Variants in ARHGAP6 observed in about 807,000 individuals in gnomAD.
The protein encoded by ARHGAP6 is rho GTPase-activating protein 6.
In ARHGAP6, 16 loss-of-function variants were observed where a neutral mutation model predicts 55.7. That is an observed-to-expected ratio of 0.29 (90% CI 0.19 to 0.44). The LOEUF (loss-of-function observed/expected upper bound fraction) is 0.44. Ranked by LOEUF, ARHGAP6 falls within the 20% of genes least tolerant of loss-of-function variation. ARHGAP6 has a pLI of 1.00. For missense variants in ARHGAP6, 698 were observed against 808.9 expected (o/e 0.86, Z 1.66); for synonymous variants, 382 against 360.9 (o/e 1.06, Z -0.66).
rs764328470 is a variant in ARHGAP6 at position 11,285,180 on chromosome X, T to C, written c.589-30473A>G. On this transcript the variant is annotated intron_variant, in intron 1 of 12. Transcript: ENST00000337414. ...ACACAGATTGTTTTTTTTTTTTTTTTCCAAACATTTTGCTCTTACTCAATT... is the reference window on the plus strand; with the variant it reads ...ACACAGATTGTTTTTTTTTTTTTTTCCCAAACATTTTGCTCTTACTCAATT... Among the ~76,000 whole-genome samples the C allele has an allele frequency of 1.2e-4, 13 of 108,042 alleles. No homozygotes were observed. The South Asian group carries it at 3.7e-3, about 31-fold the overall frequency. 93.8% of individuals were successfully genotyped at this position (108,042 alleles called of 115,157 possible).
At chrX:11,224,663 G>A (rs993364794) in intron 2 of ARHGAP6, among the ~76,000 whole-genome samples, 1 of 99,651 alleles carries the variant, frequency 1.0e-5, no homozygotes, top group Non-Finnish European at 2.0e-5. Context: ...TGTTGGTGGA[G>A]GGGGGGCGGT....
chrX:11,396,829 T>C (rs1443850174), intron 1 of ARHGAP6, among the ~76,000 whole-genome samples: 1 of 111,975 alleles, frequency 8.9e-6, no homozygotes, highest in Non-Finnish European at 1.9e-5. Context: ...GTGTCTTTTT[T>C]GCCTTTATAA....
intron 1 of ARHGAP6, among the ~76,000 whole-genome samples, chrX:11,468,712 T>C (rs2050320046): frequency 1.8e-5 from 2 of 112,111 alleles, no homozygotes; most frequent in Admixed American, 1.9e-4. Context: ...TTTGAGAAAA[T>C]TTCTTCCAAC....
At chrX:11,281,485 T>TA (rs950954959) in intron 1 of ARHGAP6, among the ~76,000 whole-genome samples, 4 of 110,497 alleles carry the variant, frequency 3.6e-5, no homozygotes, top group African/African-American at 1.3e-4. Context: ...TAAAGAAACA[T>TA]AAAAAACCTA....
chrX:11,232,104 C>T (rs925305868), intron 2 of ARHGAP6, among the ~76,000 whole-genome samples: 2 of 111,970 alleles, frequency 1.8e-5, no homozygotes, highest in Admixed American at 9.5e-5. Flanking sequence ...TTGAGAACAT[C>T]GCAAATGTCT....
At chrX:11,482,755 A>ACAGACTTC (rs35075718) in intron 1 of ARHGAP6, among the ~76,000 whole-genome samples, 5,349 of 111,054 alleles carry the variant, frequency 0.048, 335 homozygotes, top group African/African-American at 0.17. Context: ...AGAACTACCC[A>ACAGACTTC]CAGACTTCCA....
At chrX:11,177,379 G>GC (rs1491490526) in intron 8 of ARHGAP6, among the ~76,000 whole-genome samples, 3 of 93,470 alleles carry the variant, frequency 3.2e-5, no homozygotes, top group East Asian at 8.9e-4. Context: ...GCGGGGGGGG[G>GC]GCACACTGGG....
At chrX:11,530,876 A>G (rs919586012) in intron 1 of ARHGAP6, among the ~76,000 whole-genome samples, 2 of 111,828 alleles carry the variant, frequency 1.8e-5, no homozygotes, top group African/African-American at 6.5e-5. Context: ...CAGGGTTGTC[A>G]GTAGAGGGTG....
chrX:11,440,963 T>C (rs2050033580), intron 1 of ARHGAP6, among the ~76,000 whole-genome samples: 1 of 111,890 alleles, frequency 8.9e-6, no homozygotes, highest in Admixed American at 9.5e-5. Flanking sequence ...ATGCTGCAGA[T>C]GGCTCACCAT....
rs1467645743 is a variant in ARHGAP6, at chrX:11,526,468, T to C, written c.588+137773A>G. ...GGACACCAGAAGCACCTGCTGTGGC[T>C]GAGAATTAAATCACTGACCCTCCCC... On this transcript the variant is annotated intron_variant, in intron 1 of 12. Transcript: ENST00000337414. Among the ~76,000 whole-genome samples, 4 of 111,064 alleles carry C rather than the reference T, an allele frequency of 3.6e-5. No individual in the cohort carries two copies. The South Asian group carries it at 1.1e-3, about 31-fold the overall frequency.
chrX:11,183,942 T>C (rs1448708393), intron 5 of ARHGAP6, among the ~76,000 whole-genome samples: 1 of 112,097 alleles, frequency 8.9e-6, no homozygotes, highest in Non-Finnish European at 1.9e-5. Context: ...AATTCTTTCA[T>C]TGGTGGCTCA....
chrX:11,521,973 G>A (rs1476477462), intron 1 of ARHGAP6, among the ~76,000 whole-genome samples: 1 of 111,413 alleles, frequency 9.0e-6, no homozygotes, highest in Non-Finnish European at 1.9e-5. Flanking sequence ...TGTTATTGGT[G>A]TATAAGAATG....
Position 11,142,258 on chromosome X carries a change from G to A in ARHGAP6, c.2232C>T (p.Ser744=), listed in dbSNP as rs759367604. Residue 744 remains serine, a synonymous_variant, in exon 12 of 13, where the codon AGC becomes AGT. Coordinates refer to ENST00000337414, the MANE Select transcript of ARHGAP6 (RefSeq NM_013427.3). ...CTGTCATTCCTGGGTCTTTGGATCCGCTTTTTAATGTTGAATGCCAAGTTC... is the reference window on the plus strand; with the variant it reads ...CTGTCATTCCTGGGTCTTTGGATCCACTTTTTAATGTTGAATGCCAAGTTC... The part of the protein sequence containing the change: ...IWGTWHSTLK[S]GSKDPGMTGS... 2.4e-5 allele frequency: 29 copies of A among 1,196,247 alleles called. No individual in the cohort carries two copies. Among genetic ancestry groups the A allele is most frequent in the East Asian group, 2.1e-4 (7 of 33,402 alleles).
intron 1 of ARHGAP6, among the ~76,000 whole-genome samples, chrX:11,280,008 G>A (rs1476945027): frequency 9.0e-6 from 1 of 111,157 alleles, no homozygotes; most frequent in Non-Finnish European, 1.9e-5. Flanking sequence ...GACATTTTTG[G>A]TTGTCACAAC....
At chrX:11,189,776 G>A (rs1015534) in intron 3 of ARHGAP6, among the ~76,000 whole-genome samples, 14,726 of 111,647 alleles carry the variant, frequency 0.13, 826 homozygotes, top group Middle Eastern at 0.19. Flanking sequence ...TTTATTTGGA[G>A]ACATACATAG....
chrX:11,431,508 A>T (rs953066447), intron 1 of ARHGAP6, among the ~76,000 whole-genome samples: 1 of 112,158 alleles, frequency 8.9e-6, no homozygotes, highest in Non-Finnish European at 1.9e-5. Context: ...GTGTAGGAAG[A>T]GCTGAGGGCC....
chrX:11,354,327 C>CTATATATATA lies in ARHGAP6; in HGVS notation c.589-99630_589-99621dup, dbSNP rs1174449401. 3.1e-3 allele frequency among the ~76,000 whole-genome samples: 100 copies of CTATATATATA among 32,338 alleles called. 2 individuals are homozygous for CTATATATATA. The highest frequency in any genetic ancestry group is 3.9e-3 in the Non-Finnish European group (75 of 19,248). The allele number at this position is 32,338 out of a possible 115,157, so 28.1% of individuals were successfully genotyped here. A position where few individuals can be genotyped will look rare whatever the true frequency, so the allele number is the denominator to read the frequency against. On this transcript the variant is annotated intron_variant, in intron 1 of 12. Transcript: ENST00000337414. ...TCTCTCTCTCTCTCTCTCTCTCTCT[C>CTATATATATA]TATATATATATATATATATATATAT...
At chrX:11,209,600 G>A (rs1380537027) in intron 2 of ARHGAP6, among the ~76,000 whole-genome samples, 3 of 112,569 alleles carry the variant, frequency 2.7e-5, no homozygotes, top group Non-Finnish European at 5.6e-5. Context: ...GTTTTATAAT[G>A]TGAAAAAATA....
intron 9 of ARHGAP6, among the ~76,000 whole-genome samples, chrX:11,160,308 T>C (rs963398836): frequency 3.8e-5 from 4 of 104,807 alleles, no homozygotes; most frequent in African/African-American, 1.4e-4. Flanking sequence ...AAAAAAAAAA[T>C]TAGTCGGGCG....
Sources: gnomAD v4.1 joint callset for allele counts (sites outside exome capture counted in the v4.1 genomes callset) on GRCh38, gnomAD v4.1.1 for gene constraint, MANE v1.5 for transcripts, NCBI Gene and HGNC (gene_info 2026-07-23, HGNC 2026-07-21) for gene names.